ARHGAP36: variants seen among roughly 807,000 people sequenced by gnomAD.
ARHGAP36 encodes the protein Rho GTPase activating protein 36.
ARHGAP36 carries 7 observed loss-of-function variants against 32.9 expected under a neutral mutation model. The ratio of observed to expected loss-of-function variants is 0.21; its 90% CI spans 0.12 to 0.40. ARHGAP36 has a LOEUF of 0.40. Ranked by LOEUF, ARHGAP36 falls within the 10% of genes least tolerant of loss-of-function variation. ARHGAP36 has a pLI of 1.00. For synonymous variants in ARHGAP36, 165 were observed against 168.3 expected, an observed-to-expected ratio of 0.98 and a Z score of 0.15; for missense variants, 383 against 442.2, an observed-to-expected ratio of 0.87 and a Z score of 1.20.
intron 4 of ARHGAP36, 46 bp from the exon 5 acceptor site, chrX:131,084,169 G>T: frequency 1.7e-6 from 2 of 1,144,374 alleles, no homozygotes; most frequent in Non-Finnish European, 2.3e-6. Context: ...GGTCCTAATT[G>T]ACTCTCTTTA....
chrX:131,083,822 G>A lies in ARHGAP36; in HGVS notation c.408G>A (p.Thr136=), dbSNP rs1175054865. The A allele has an allele frequency of 8.3e-7, 1 of 1,210,970 alleles. No homozygotes were observed. Among genetic ancestry groups the A allele is most frequent in the African/African-American group, 1.7e-5 (1 of 57,435 alleles). The stretch of plus-strand genomic sequence containing the variant: ...GCAAGCATCTTGAACTGACAGCCAC[G>A]ATGCAGGTTGAAGAAGCCACCGGTC... The part of the protein sequence containing the change: ...TRRKHLELTA[T]MQVEEATGQA... Residue 136 remains threonine, a synonymous_variant, in exon 4 of 12, where the codon ACG becomes ACA. Transcript: ENST00000276211.
At chrX:131,070,964 T>A (rs2079730425) in intron 1 of ARHGAP36, among the ~76,000 whole-genome samples, 1 of 110,171 alleles carries the variant, frequency 9.1e-6, no homozygotes, top group South Asian at 4.0e-4. Flanking sequence ...CAACTCAAGT[T>A]TTTTTCCTGG....
At chrX:131,077,155 T>G (rs979936072) in intron 1 of ARHGAP36, among the ~76,000 whole-genome samples, 1 of 112,717 alleles carries the variant, frequency 8.9e-6, no homozygotes, top group African/African-American at 3.2e-5. Context: ...CAGACCAAAC[T>G]GGTGCCCAAA....
rs1245652145 is a variant in ARHGAP36, at chrX:131,083,173, A to G, written c.262A>G (p.Ile88Val). ...TTTTTCTCTTTCTGTAGCTCTGCCTATTGACCGTCCGAACACCTTGGATAA... is the reference window on the plus strand; with the variant it reads ...TTTTTCTCTTTCTGTAGCTCTGCCTGTTGACCGTCCGAACACCTTGGATAA... ...SEFKPDRALP[I>V]DRPNTLDKWF... Residue 88 changes from isoleucine to valine, a missense_variant, in exon 3 of 12, where the codon ATT becomes GTT. Transcript: ENST00000276211. 1.7e-6 allele frequency: 2 copies of G among 1,209,689 alleles called. No homozygotes were observed. Among genetic ancestry groups the G allele is most frequent in the African/African-American group, 3.5e-5 (2 of 57,303 alleles).
rs778452791 is a variant in ARHGAP36, at chrX:131,063,106, CTGTGTCCTCATAGA to C, written c.-143+4667_-143+4680del. On this transcript the variant is annotated intron_variant, in intron 1 of 11. Coordinates refer to ENST00000276211, the MANE Select transcript of ARHGAP36 (RefSeq NM_144967.4). ...GAAAGATGCAATACAAACGCACCACCTGTGTCCTCATAGATGTGGCTCTGAGTCACTAAGAAACG... is the reference window on the plus strand; with the variant it reads ...GAAAGATGCAATACAAACGCACCACCTGTGGCTCTGAGTCACTAAGAAACG... Among the ~76,000 whole-genome samples the C allele has an allele frequency of 2.9e-4, 32 of 112,138 alleles. No individual in the cohort carries two copies. In the South Asian group the frequency reaches 0.011, roughly 38 times the overall value.
chrX:131,079,154 A>G (rs187906014), intron 1 of ARHGAP36, among the ~76,000 whole-genome samples: 1 of 112,090 alleles, frequency 8.9e-6, no homozygotes, highest in East Asian at 2.8e-4. Context: ...TGTTAGAGAA[A>G]TTAAGCCAGA....
intron 1 of ARHGAP36, among the ~76,000 whole-genome samples, chrX:131,071,741 G>A (rs1261787641): frequency 9.0e-6 from 1 of 111,421 alleles, no homozygotes; most frequent in Non-Finnish European, 1.9e-5. Context: ...CTTTGCCCAG[G>A]CTCTGCTTCC....
At chrX:131,083,129 T>C (rs202175463) in intron 2 of ARHGAP36, 36 bp from the exon 3 acceptor site, 1 of 1,179,618 alleles carries the variant, frequency 8.5e-7, no homozygotes, top group East Asian at 3.0e-5. Context: ...TAAGTCCTAT[T>C]TGTAAGTGTA....
intron 6 of ARHGAP36, 45 bp downstream of exon 6, chrX:131,084,726 G>T: frequency 8.3e-7 from 1 of 1,200,429 alleles, no homozygotes; most frequent in Non-Finnish European, 1.1e-6. Context: ...ATAAGAAAGA[G>T]CAGGAGGAGG....
Position 131,083,882 on chromosome X carries a change from A to G in ARHGAP36, c.468A>G (p.Arg156=). ...GCCGTCGTCGGGGAAACGTGGTGCG[A>G]AGGGTGTTTGGCCGCATCCGGCGCT... The part of the protein sequence containing the change: ...AAGRRRGNVV[R]RVFGRIRRFF... The change falls in exon 4 of 12, where the codon CGA becomes CGG. Residue 156 remains arginine, a synonymous_variant. Coordinates refer to ENST00000276211, the MANE Select transcript of ARHGAP36 (RefSeq NM_144967.4). 1 of 1,212,121 alleles carries G rather than the reference A, an allele frequency of 8.3e-7. No individual in the cohort carries two copies. The highest frequency in any genetic ancestry group is 1.8e-5 in the South Asian group (1 of 57,007).
rs113514503 is a variant in ARHGAP36 at position 131,081,775 on chromosome X, G to A, written c.110G>A (p.Gly37Glu). 1.7e-6 allele frequency: 2 copies of A among 1,211,856 alleles called. No homozygotes were observed. Among genetic ancestry groups the A allele is most frequent in the South Asian group, 3.5e-5 (2 of 56,993 alleles). The change falls in exon 2 of 12, where the codon GGA becomes GAA. Residue 37 changes from glycine (G) to glutamate (E), a missense_variant. Coordinates refer to ENST00000276211, the MANE Select transcript of ARHGAP36 (RefSeq NM_144967.4). ...ATTTTTTTAGTGAGTGTCTTGGGAG[G>A]AGCCCCAGGACACAACCCCGACCGC... is the stretch of plus-strand genomic sequence containing the variant. ...AFIFLVSVLG[G>E]APGHNPDRRT... is the part of the protein sequence containing the mutation.
chrX:131,065,715 A>G (rs1403978964), intron 1 of ARHGAP36, among the ~76,000 whole-genome samples: 1 of 111,751 alleles, frequency 8.9e-6, no homozygotes, highest in East Asian at 2.8e-4. Context: ...ACTTTAGGCA[A>G]TGCTTTCTGT....
chrX:131,075,149 A>G (rs773728025), intron 1 of ARHGAP36, among the ~76,000 whole-genome samples: 7 of 112,061 alleles, frequency 6.2e-5, no homozygotes, highest in Non-Finnish European at 1.3e-4. Flanking sequence ...TTGGAGGGCA[A>G]TTCCTCACCT....
chrX:131,066,619 AATG>A (rs1195189178), intron 1 of ARHGAP36, among the ~76,000 whole-genome samples: 1 of 112,051 alleles, frequency 8.9e-6, no homozygotes, highest in Non-Finnish European at 1.9e-5. Context: ...TTTGTAGAGA[AATG>A]ATAATGTTTG....
At chrX:131,080,135 A>G (rs1455432727) in intron 1 of ARHGAP36, among the ~76,000 whole-genome samples, 1 of 111,929 alleles carries the variant, frequency 8.9e-6, no homozygotes, top group Non-Finnish European at 1.9e-5. Context: ...AGGGCCATCC[A>G]TGATCTCATC....
chrX:131,067,472 G>A (rs911032444), intron 1 of ARHGAP36, among the ~76,000 whole-genome samples: 2 of 112,994 alleles, frequency 1.8e-5, no homozygotes, highest in Non-Finnish European at 3.7e-5. Flanking sequence ...CACAGAGGTG[G>A]GCGGGCAGGC....
chrX:131,079,555 G>GTTTT (rs1398804207), intron 1 of ARHGAP36, among the ~76,000 whole-genome samples: 1 of 58,410 alleles, frequency 1.7e-5, no homozygotes, highest in African/African-American at 5.6e-5. Flanking sequence ...TTTGTTTTTT[G>GTTTT]TTTTTTGTTT....
chrX:131,083,219 G>A lies in ARHGAP36; in HGVS notation c.308G>A (p.Gly103Glu). ...GATAAGTGGTTTCTGATTTTGAGAG[G>A]ACAGCAGAGGGGTGAGGGGGCTCTT... ...TLDKWFLILR[G>E]QQRAVSHKTF... The change falls in exon 3 of 12, where the codon GGA becomes GAA. Residue 103 changes from glycine to glutamate, a missense_variant. Physicochemically the swap from Gly to Glu is moderately conservative, Grantham distance 98 (BLOSUM62 -2). This residue lies in a region of ARHGAP36 where 156 missense variants were observed against 131.0 expected (regional missense o/e 1.19). Transcript: ENST00000276211. 1 of 1,210,333 alleles carries A rather than the reference G, an allele frequency of 8.3e-7. No individual in the cohort carries two copies. The highest frequency in any genetic ancestry group is 1.1e-6 in the Non-Finnish European group (1 of 894,476).
chrX:131,080,005 C>T (rs1218107939), intron 1 of ARHGAP36, among the ~76,000 whole-genome samples: 1 of 111,784 alleles, frequency 8.9e-6, no homozygotes, highest in Non-Finnish European at 1.9e-5. Flanking sequence ...AGCTCTCTAC[C>T]CAAAACAGGC....
Sources: allele counts gnomAD v4.1 joint callset (sites outside exome capture counted in the v4.1 genomes callset), GRCh38; gene constraint gnomAD v4.1.1; regional missense constraint gnomAD v4.1.1; transcripts MANE v1.5; gene names NCBI Gene and HGNC (gene_info 2026-07-23, HGNC 2026-07-21).